Variants in MLH3 observed in about 807,000 individuals in gnomAD.
MLH3 encodes the protein DNA mismatch repair protein Mlh3.
MLH3 carries 82 observed loss-of-function variants against 122.2 expected under a neutral mutation model. That is an observed-to-expected ratio of 0.67 (90% CI 0.56 to 0.81). The LOEUF (loss-of-function observed/expected upper bound fraction) is 0.81. Ranked by LOEUF, MLH3 falls within the 30% of genes least tolerant of loss-of-function variation. MLH3 has a pLI of 0.00. For missense variants in MLH3, 1,539 were observed against 1,714.5 expected (o/e 0.90, Z 1.81); for synonymous variants, 524 against 599.5 (o/e 0.87, Z 1.84).
In MLH3 at chr14:75,046,799, T is replaced by C. The variant is rs756695023; in HGVS notation, c.2857A>G (p.Thr953Ala). Reference sequence around the variant, plus strand: ...TCTGTTGTATTGCTGTTAGAATGTGTTTTACTATTTTTATTAAAGGAATTA... The same window carrying C: ...TCTGTTGTATTGCTGTTAGAATGTGCTTTACTATTTTTATTAAAGGAATTA... ...QDNSFNKNSK[T>A]HSNSNTTENC... The change falls in exon 2 of 13, where the codon ACA becomes GCA. Residue 953 changes from threonine (T) to alanine (A), a missense_variant. Coordinates refer to ENST00000355774, the MANE Select transcript of MLH3 (RefSeq NM_001040108.2). 1.9e-6 allele frequency: 3 copies of C among 1,614,134 alleles called. No individual in the cohort carries two copies. The highest frequency in any genetic ancestry group is 4.5e-5 in the East Asian group (2 of 44,884).
intron 6 of MLH3, among the ~76,000 whole-genome samples, chr14:75,036,166 C>G (rs1048151141): frequency 1.3e-5 from 2 of 152,116 alleles, no homozygotes; most frequent in African/African-American, 4.8e-5. Context: ...CTACCGAGCT[C>G]TTAAGTGCTA....
chr14:75,019,160 C>G, intron 11 of MLH3, 180 bp from the exon 12 acceptor site: 3 of 611,278 alleles, frequency 4.9e-6, no homozygotes, highest in Non-Finnish European at 8.6e-6. Context: ...ACCTGTAATC[C>G]CAGCACTTTG....
At chr14:75,040,095 A>T in intron 4 of MLH3, 80 bp from the exon 5 acceptor site, 1 of 724,262 alleles carries the variant, frequency 1.4e-6, no homozygotes, top group Non-Finnish European at 2.4e-6. Context: ...AGAGTGCTTT[A>T]AAAGCATTCA....
chr14:75,036,826 C>T (rs1296483359), intron 6 of MLH3: 1 of 454,600 alleles, frequency 2.2e-6, no homozygotes, highest in Non-Finnish European at 4.4e-6. Context: ...GACTCTATCT[C>T]CTAAATATCT....
chr14:75,042,903 G>A lies in MLH3; in HGVS notation c.3281-426C>T, dbSNP rs532134874. On this transcript the variant is annotated intron_variant, in intron 2 of 12. Transcript: ENST00000355774. The stretch of plus-strand genomic sequence containing the variant: ...CAATTCTCCTGCCTCAGCCTCCCGA[G>A]TAGCTGGGATTACAGGCATGCGTCA... 3.9e-5 allele frequency among the ~76,000 whole-genome samples: 6 copies of A among 152,130 alleles called. No individual in the cohort carries two copies. The South Asian group carries it at 8.3e-4, about 21-fold the overall frequency.
At chr14:75,026,689 T>C (rs1890648624) in intron 9 of MLH3, among the ~76,000 whole-genome samples, 1 of 152,076 alleles carries the variant, frequency 6.6e-6, no homozygotes, top group Non-Finnish European at 1.5e-5. Flanking sequence ...CAAAGATACA[T>C]CATAGGGAAA....
Position 75,047,010 on chromosome 14 carries a change from A to G in MLH3, c.2646T>C (p.Gly882=). The change falls in exon 2 of 13, where the codon GGT becomes GGC. Residue 882 remains glycine (G), a synonymous_variant. Coordinates refer to ENST00000355774, the MANE Select transcript of MLH3 (RefSeq NM_001040108.2). ...SLASKLSRLK[G]SERETQTMGM... is the part of the protein sequence containing the mutation. ...CCATTGTTTGAGTTTCTCTTTCGGA[A>G]CCCTTCAGTCTGGATAATTTAGAGG... 2 of 1,614,144 alleles carry G rather than the reference A, an allele frequency of 1.2e-6. No individual in the cohort carries two copies. Among genetic ancestry groups the G allele is most frequent in the Non-Finnish European group, 1.7e-6 (2 of 1,180,020 alleles).
chr14:75,039,759 A>AACACACACACACACAC (rs34635307), intron 5 of MLH3, 152 bp downstream of exon 5: 2 of 195,888 alleles, frequency 1.0e-5, no homozygotes, highest in African/African-American at 5.2e-5. Context: ...TTCTAGTAAG[A>AACACACACACACACAC]ACACACACAC....
At chr14:75,036,534 A>G in intron 6 of MLH3, 1 of 381,806 alleles carries the variant, frequency 2.6e-6, no homozygotes, top group East Asian at 7.5e-5. Flanking sequence ...TAGTAGAGAC[A>G]GCGTTTCAGC....
chr14:75,017,267 G>A lies in MLH3; in HGVS notation c.4243-66C>T. The A allele has an allele frequency of 3.9e-6, 6 of 1,545,138 alleles. No individual in the cohort carries two copies. In the South Asian group the frequency reaches 6.7e-5, roughly 17 times the overall value. On this transcript the variant is annotated intron_variant, in intron 12 of 12. Coordinates refer to ENST00000355774, the MANE Select transcript of MLH3 (RefSeq NM_001040108.2). ...GGTAGGTAGCATACAGGCTGGGCGA[G>A]GTGACTCACACCTGTAATCCCAGCA...
At position 75,016,756 on chromosome 14, in the gene MLH3, C is replaced by A; in HGVS notation, c.*326G>T. The A allele has an allele frequency of 6.3e-6, 2 of 319,526 alleles. No homozygotes were observed. The highest frequency in any genetic ancestry group is 2.1e-5 in the African/African-American group (1 of 46,732). 19.8% of individuals were successfully genotyped at this position (319,526 alleles called of 1,614,324 possible). ...AACTGTACAAAAACAAAAATCACAC[C>A]CTTCAAATAACAAACCAAGCAACCA... is the stretch of plus-strand genomic sequence containing the variant. On this transcript the variant is annotated 3_prime_UTR_variant, in exon 13 of 13. Transcript: ENST00000355774.
In MLH3 at chr14:75,016,985, T is replaced by C. The variant is rs1889923979; in HGVS notation, c.*97A>G. ...AAGCTGCTCAGGGACACTGGGCTGA[T>C]TCAGTCAGGGCCGTGCTGGTACCTG... On this transcript the variant is annotated 3_prime_UTR_variant, in exon 13 of 13. Transcript: ENST00000355774. 5 of 1,463,676 alleles carry C rather than the reference T, an allele frequency of 3.4e-6. No homozygotes were observed. In the South Asian group the frequency reaches 5.7e-5, roughly 17 times the overall value. 90.7% of individuals were successfully genotyped at this position (1,463,676 alleles called of 1,614,324 possible). A position where few individuals can be genotyped will look rare whatever the true frequency, so the allele number is the denominator to read the frequency against.
At position 75,046,777 on chromosome 14, in the gene MLH3, G is replaced by A. The variant is rs2139553863; in HGVS notation, c.2879C>T (p.Thr960Ile). ...NSKTHSNSNT[T>I]ENCVISETPL... ...AGTTTCTGATATCACACAGTTCTCT[G>A]TTGTATTGCTGTTAGAATGTGTTTT... Residue 960 changes from threonine to isoleucine, a missense_variant, in exon 2 of 13, where the codon ACA (threonine) becomes ATA (isoleucine). Physicochemically the swap from Thr to Ile is moderately conservative, Grantham distance 89. Coordinates refer to ENST00000355774, the MANE Select transcript of MLH3 (RefSeq NM_001040108.2). The A allele has an allele frequency of 6.2e-7, 1 of 1,614,120 alleles. No homozygotes were observed. Among genetic ancestry groups the A allele is most frequent in the Non-Finnish European group, 8.5e-7 (1 of 1,179,980 alleles).
Position 75,038,345 on chromosome 14 carries a change from TCG to T in MLH3, c.3636_3637del (p.Glu1213GlyfsTer16). 6.2e-7 allele frequency: 1 copy of T among 1,612,914 alleles called. No homozygotes were observed. The highest frequency in any genetic ancestry group is 1.3e-5 in the African/African-American group (1 of 75,020). ...AGGCTAAACTCCATTCTTACCTGCCTCGCCATTCTCTTCAGTCTTAGTGCTCA... is the reference window on the plus strand; with the variant it reads ...AGGCTAAACTCCATTCTTACCTGCCTCCATTCTCTTCAGTCTTAGTGCTCA... On this transcript the variant is annotated frameshift_variant, in exon 6 of 13. Coordinates refer to ENST00000355774, the MANE Select transcript of MLH3 (RefSeq NM_001040108.2). LOFTEE classifies it high-confidence loss of function.
At chr14:75,029,658 C>G (rs1224968229) in intron 9 of MLH3, among the ~76,000 whole-genome samples, 1 of 152,050 alleles carries the variant, frequency 6.6e-6, no homozygotes, top group South Asian at 2.1e-4. Flanking sequence ...GCCTCAGCCT[C>G]CTGAGTAGCT....
Position 75,047,991 on chromosome 14 carries a change from T to C in MLH3, c.1665A>G (p.Lys555=), listed in dbSNP as rs1277973637. 6.2e-7 allele frequency: 1 copy of C among 1,614,154 alleles called. No homozygotes were observed. Among genetic ancestry groups the C allele is most frequent in the Admixed American group, 1.7e-5 (1 of 60,028 alleles). ...NRIQNQPKRF[K]DATEVGCQPL... is the part of the protein sequence containing the mutation. ...GCTGGCATCCCACTTCAGTAGCATCTTTAAATCTCTTTGGTTGATTCTGAA... is the reference window on the plus strand; with the variant it reads ...GCTGGCATCCCACTTCAGTAGCATCCTTAAATCTCTTTGGTTGATTCTGAA... The change falls in exon 2 of 13, where the codon AAA becomes AAG. Residue 555 remains lysine, a synonymous_variant. Transcript: ENST00000355774.
intron 2 of MLH3, among the ~76,000 whole-genome samples, chr14:75,043,724 A>G (rs1892024884): frequency 6.6e-6 from 1 of 152,282 alleles, no homozygotes; most frequent in Admixed American, 6.5e-5. Flanking sequence ...TATATTTTAA[A>G]GAAAAAATTA....
chr14:75,029,633 T>G (rs1337507392), intron 9 of MLH3, among the ~76,000 whole-genome samples: 1 of 152,090 alleles, frequency 6.6e-6, no homozygotes, highest in Non-Finnish European at 1.5e-5. Flanking sequence ...CCTCCCAGGT[T>G]CAAGCCATTC....
At chr14:75,051,186 C>G (rs1470800164) in intron 1 of MLH3, among the ~76,000 whole-genome samples, 194 bp downstream of exon 1, 1 of 152,172 alleles carries the variant, frequency 6.6e-6, no homozygotes, top group East Asian at 1.9e-4. Context: ...GCTGCCTTCC[C>G]GCCAGGCCCA....
Sources: gnomAD v4.1 joint callset for allele counts (sites outside exome capture counted in the v4.1 genomes callset) on GRCh38, gnomAD v4.1.1 for gene constraint, MANE v1.5 for transcripts, NCBI Gene and HGNC (gene_info 2026-07-23, HGNC 2026-07-21) for gene names.